The following PSD2 variants were observed in gnomAD, a reference collection of about 807,000 sequenced individuals.
PSD2 encodes the protein pleckstrin and Sec7 domain containing 2.
Under a neutral mutation model 69.8 loss-of-function variants are expected in PSD2, and 38 were observed. That is an observed-to-expected ratio of 0.54 (90% CI 0.42 to 0.71). The LOEUF is 0.71. Among genes scored for constraint, PSD2 ranks in the 30% least tolerant of loss-of-function variants. The pLI, the probability that PSD2 is intolerant of heterozygous loss-of-function variation, is 0.00. For synonymous variants in PSD2, 412 were observed against 423.0 expected, an observed-to-expected ratio of 0.97 and a Z score of 0.32; for missense variants, 943 against 1,014.5, an observed-to-expected ratio of 0.93 and a Z score of 0.96.
chr5:139,753,479 C>T, the PSD2 span, among the ~76,000 whole-genome samples: 12 of 152,194 alleles, frequency 7.9e-5, no homozygotes, highest in African/African-American at 2.4e-4. Context: ...GTCCCCTTAT[C>T]CACCTAAGAA....
chr5:139,841,234 G>A (rs1461202196), intron 14 of PSD2, among the ~76,000 whole-genome samples: 1 of 152,146 alleles, frequency 6.6e-6, no homozygotes, highest in Non-Finnish European at 1.5e-5. Context: ...ACCCATTTAT[G>A]TCAGAGTTTG....
At chr5:139,817,937 G>T (rs1760162455) in intron 5 of PSD2, among the ~76,000 whole-genome samples, 1 of 152,176 alleles carries the variant, frequency 6.6e-6, no homozygotes, top group Non-Finnish European at 1.5e-5. Context: ...GAAACTATGG[G>T]CCAGAGGGAT....
the PSD2 span, chr5:139,746,143 CTA>C: frequency 6.6e-6 from 1 of 152,208 alleles, no homozygotes; most frequent in African/African-American, 2.4e-5. This position sits in a 1 kb window ranked among gnomAD's most constrained non-coding sequence, Gnocchi z 4.5. Context: ...CTGGACAAAA[CTA>C]TATCTAAGCT....
At chr5:139,778,173 G>GCT in the PSD2 span, among the ~76,000 whole-genome samples, 10 of 152,372 alleles carry the variant, frequency 6.6e-5, no homozygotes, top group East Asian at 1.9e-3. Context: ...AGGAATAAGT[G>GCT]TGGTTCCCAA....
At chr5:139,812,421 A>T (rs1041501825) in intron 2 of PSD2, among the ~76,000 whole-genome samples, 10 of 152,142 alleles carry the variant, frequency 6.6e-5, no homozygotes, top group Admixed American at 2.0e-4. Flanking sequence ...AGGGCTTGGG[A>T]AGCGTGGTTG....
rs763377632 is a variant in PSD2 at position 139,813,702 on chromosome 5, A to T, written c.765A>T (p.Pro255=). Residue 255 remains proline, a synonymous_variant, in exon 3 of 15, where the codon CCA becomes CCT. Transcript: ENST00000274710. Reference sequence around the variant, plus strand: ...TCCATGAAGATGGCCCTCAGGGCCCAGGGGGGGATGAGGATGATGATGAGG... The same window carrying T: ...TCCATGAAGATGGCCCTCAGGGCCCTGGGGGGGATGAGGATGATGATGAGG... ...NGFHEDGPQG[P]GGDEDDDEED... is the part of the protein sequence containing the mutation. The T allele has an allele frequency of 6.8e-6, 11 of 1,613,134 alleles. No homozygotes were observed. In the South Asian group the frequency reaches 1.2e-4, roughly 18 times the overall value.
chr5:139,750,957 A>G, the PSD2 span, among the ~76,000 whole-genome samples: 1 of 152,120 alleles, frequency 6.6e-6, no homozygotes, highest in Non-Finnish European at 1.5e-5. Context: ...TAGATGGGGG[A>G]AACTAAGCCC....
At chr5:139,758,470 G>A in the PSD2 span, among the ~76,000 whole-genome samples, 3 of 152,088 alleles carry the variant, frequency 2.0e-5, no homozygotes, top group African/African-American at 4.8e-5. Context: ...GCAGGGCCTC[G>A]AAGGATCTTG....
chr5:139,755,635 CTGTG>C, the PSD2 span, among the ~76,000 whole-genome samples: 46,109 of 145,888 alleles, frequency 0.32, 7,988 homozygotes, highest in African/African-American at 0.49. Flanking sequence ...TGCGGCCCTG[CTGTG>C]TGTGTGTGTG....
the PSD2 span, chr5:139,745,236 G>A: frequency 6.6e-6 from 1 of 152,312 alleles, no homozygotes; most frequent in Non-Finnish European, 1.5e-5. Context: ...TTGAGTGACA[G>A]AGCTGGGTCT....
chr5:139,757,001 T>C, the PSD2 span, among the ~76,000 whole-genome samples: 1 of 152,204 alleles, frequency 6.6e-6, no homozygotes, highest in Non-Finnish European at 1.5e-5. Context: ...CTCATGTTTT[T>C]ACAGATGAGG....
At chr5:139,752,665 C>G in the PSD2 span, among the ~76,000 whole-genome samples, 1 of 152,180 alleles carries the variant, frequency 6.6e-6, no homozygotes, top group Non-Finnish European at 1.5e-5. Context: ...GACAGGTACA[C>G]ACAGGCACAG....
At chr5:139,826,073 A>G (rs1307475821) in intron 7 of PSD2, among the ~76,000 whole-genome samples, 1 of 152,198 alleles carries the variant, frequency 6.6e-6, no homozygotes, top group Non-Finnish European at 1.5e-5. Context: ...AAAGGCTGCC[A>G]TGAGGTCAAG....
In PSD2 at chr5:139,813,378, A is replaced by C. The variant is rs1373834146; in HGVS notation, c.441A>C (p.Ser147=). Residue 147 remains serine, a synonymous_variant, in exon 3 of 15, where the codon TCA becomes TCC. Transcript: ENST00000274710. Reference sequence around the variant, plus strand: ...CCACGTTTGAGAAGATTCTGGAGTCAGAGCTGCTGCGGGGCACCCAGTACA... The same window carrying C: ...CCACGTTTGAGAAGATTCTGGAGTCCGAGCTGCTGCGGGGCACCCAGTACA... ...FSATFEKILE[S]ELLRGTQYSS... 6.3e-7 allele frequency: 1 copy of C among 1,599,568 alleles called. No individual in the cohort carries two copies.
chr5:139,817,440 T>A (rs745379075), intron 4 of PSD2, 41 bp from the exon 5 acceptor site: 2 of 1,570,792 alleles, frequency 1.3e-6, no homozygotes, highest in Non-Finnish European at 1.8e-6. Context: ...ATCCTTGGGC[T>A]GGACCCTGCT....
chr5:139,824,211 G>A lies in PSD2; in HGVS notation c.1269+1427G>A, dbSNP rs927156449. Among the ~76,000 whole-genome samples, 4 of 152,282 alleles carry A rather than the reference G, an allele frequency of 2.6e-5. No individual in the cohort carries two copies. The East Asian group carries it at 7.7e-4, about 29-fold the overall frequency. ...ATGGCTAAGAACTGCTAAGGAGGGC[G>A]GCAGCCACTGTGTAGTGAACCCTGG... On this transcript the variant is annotated intron_variant, in intron 7 of 14. Transcript: ENST00000274710.
At chr5:139,835,646 C>A in intron 8 of PSD2, 77 bp from the exon 9 acceptor site, 1 of 1,433,756 alleles carries the variant, frequency 7.0e-7, no homozygotes, top group Non-Finnish European at 9.8e-7. Context: ...CCTCACTGTA[C>A]CCATGTTATT....
chr5:139,747,028 C>G, the PSD2 span, among the ~76,000 whole-genome samples: 1 of 152,162 alleles, frequency 6.6e-6, no homozygotes, highest in Non-Finnish European at 1.5e-5. The surrounding 1 kb of genome is among the most constrained non-coding windows in gnomAD (Gnocchi z 6.7). Context: ...CTCCCACTTT[C>G]ATTGTGTGTC....
the PSD2 span, among the ~76,000 whole-genome samples, chr5:139,785,455 C>G: frequency 3.3e-5 from 5 of 152,188 alleles, no homozygotes; most frequent in Non-Finnish European, 5.9e-5. Context: ...AACTTCTGAC[C>G]TCAGGCAATC....
Sources: gnomAD v4.1 joint callset for allele counts (sites outside exome capture counted in the v4.1 genomes callset) on GRCh38, gnomAD v4.1.1 for gene constraint, Gnocchi (gnomAD v3.1) non-coding constraint, MANE v1.5 for transcripts, NCBI Gene and HGNC (gene_info 2026-07-23, HGNC 2026-07-21) for gene names.